OSBPL10: variants seen among roughly 807,000 people sequenced by gnomAD.
The protein encoded by OSBPL10 is oxysterol binding protein like 10.
Under a neutral mutation model 81.7 loss-of-function variants are expected in OSBPL10, and 49 were observed. The ratio of observed to expected loss-of-function variants is 0.60; its 90% confidence interval spans 0.48 to 0.76. The LOEUF (loss-of-function observed/expected upper bound fraction) is 0.76, where lower values mean the gene tolerates loss of function less well. OSBPL10 is among the 30% of genes least tolerant of loss of function. The pLI is 0.00. For missense variants in OSBPL10, 923 were observed against 987.8 expected, an observed-to-expected ratio of 0.93 and a Z score of 0.88; for synonymous variants, 419 against 383.6, an observed-to-expected ratio of 1.09 and a Z score of -1.08.
intron 4 of OSBPL10, among the ~76,000 whole-genome samples, chr3:31,784,676 G>A (rs906731625): frequency 3.3e-5 from 5 of 149,880 alleles, no homozygotes; most frequent in Non-Finnish European, 5.9e-5. Context: ...TCCACCTCCC[G>A]GGTTCAAATG....
chr3:31,927,132 A>C (rs1451112729), intron 1 of OSBPL10, among the ~76,000 whole-genome samples: 2 of 152,086 alleles, frequency 1.3e-5, no homozygotes, highest in Non-Finnish European at 2.9e-5. Context: ...CAACAACAAA[A>C]AGTCAAAGGT....
chr3:31,675,020 T>C (rs1354754520), intron 8 of OSBPL10, among the ~76,000 whole-genome samples: 1 of 152,226 alleles, frequency 6.6e-6, no homozygotes, highest in Non-Finnish European at 1.5e-5. Flanking sequence ...GATGGTCTTA[T>C]TGGGACATAA....
At chr3:31,761,916 GT>G (rs2125724034) in intron 4 of OSBPL10, among the ~76,000 whole-genome samples, 1 of 152,098 alleles carries the variant, frequency 6.6e-6, no homozygotes, top group East Asian at 1.9e-4. Context: ...GCACATGGGG[GT>G]GTGATGGTAC....
intron 1 of OSBPL10, among the ~76,000 whole-genome samples, chr3:31,888,621 A>G (rs1695806161): frequency 6.6e-6 from 1 of 152,190 alleles, no homozygotes; most frequent in Admixed American, 6.5e-5. Context: ...CAACAGCGAA[A>G]AAAAACCACA....
At chr3:31,702,316 A>G (rs201235496) in intron 7 of OSBPL10, 43 bp downstream of exon 7, 10 of 1,603,074 alleles carry the variant, frequency 6.2e-6, no homozygotes, top group Admixed American at 1.7e-5. Context: ...TAGAGACAGA[A>G]CCCCAACAAC....
intron 1 of OSBPL10, among the ~76,000 whole-genome samples, chr3:32,067,501 T>A (rs1024624130): frequency 2.0e-5 from 3 of 152,126 alleles, no homozygotes; most frequent in African/African-American, 7.2e-5. Flanking sequence ...AGCCATCATA[T>A]CCCCTGTGAC....
chr3:31,956,225 A>G (rs1004295740), intron 1 of OSBPL10, among the ~76,000 whole-genome samples: 7 of 152,208 alleles, frequency 4.6e-5, no homozygotes, highest in African/African-American at 1.7e-4. Context: ...AATGCCTGCT[A>G]GAGAGTAAAA....
At chr3:31,972,791 A>G (rs890747959) in intron 1 of OSBPL10, among the ~76,000 whole-genome samples, 5 of 152,214 alleles carry the variant, frequency 3.3e-5, no homozygotes, top group Admixed American at 2.0e-4. Context: ...TTTCATCAAT[A>G]TATTTATAGA....
intron 3 of OSBPL10, among the ~76,000 whole-genome samples, chr3:31,864,799 C>T (rs1026614171): frequency 1.9e-4 from 29 of 152,080 alleles, no homozygotes; most frequent in Admixed American, 9.8e-4. Context: ...GTGCCACTAA[C>T]GATTGTTCGA....
intron 8 of OSBPL10, among the ~76,000 whole-genome samples, chr3:31,681,015 AAGAT>A (rs1700627143): frequency 6.6e-6 from 1 of 152,216 alleles, no homozygotes; most frequent in Admixed American, 6.5e-5. Flanking sequence ...GGTTTATCTA[AAGAT>A]AGATGTATTT....
intron 4 of OSBPL10, among the ~76,000 whole-genome samples, chr3:31,787,026 C>T (rs1043374241): frequency 2.0e-5 from 3 of 152,136 alleles, no homozygotes; most frequent in African/African-American, 7.2e-5. Context: ...CCAGGTTGTT[C>T]TGGAATTAAA....
intron 3 of OSBPL10, among the ~76,000 whole-genome samples, chr3:31,859,031 T>A (rs2125592766): frequency 6.6e-6 from 1 of 152,278 alleles, no homozygotes; most frequent in South Asian, 2.1e-4. Flanking sequence ...CCCTGTAGGG[T>A]TGATGCCATT....
chr3:31,786,911 C>T (rs1391612471), intron 4 of OSBPL10, among the ~76,000 whole-genome samples: 1 of 152,132 alleles, frequency 6.6e-6, no homozygotes, highest in East Asian at 1.9e-4. Context: ...CTGGCAGACA[C>T]AGATCTGAAC....
intron 6 of OSBPL10, among the ~76,000 whole-genome samples, chr3:31,722,486 A>C (rs1370306216): frequency 6.6e-6 from 1 of 152,136 alleles, no homozygotes; most frequent in Non-Finnish European, 1.5e-5. Flanking sequence ...TTCTAAATAA[A>C]GGTTTTAGCA....
intron 1 of OSBPL10, chr3:32,064,046 G>A (rs1559557164): frequency 1.1e-5 from 1 of 92,928 alleles, no homozygotes; most frequent in Non-Finnish European, 2.9e-5. Context: ...TTACTGCAGT[G>A]TCGACCTCCT....
chr3:31,792,987 C>T (rs1276267287), intron 4 of OSBPL10, among the ~76,000 whole-genome samples: 1 of 151,536 alleles, frequency 6.6e-6, no homozygotes, highest in Non-Finnish European at 1.5e-5. Context: ...GGATGCACAT[C>T]ATTTGGATAT....
chr3:31,871,362 G>T (rs1198191833), intron 3 of OSBPL10, among the ~76,000 whole-genome samples: 1 of 151,974 alleles, frequency 6.6e-6, no homozygotes. Context: ...CTGAGCCAGC[G>T]AGACTATGAA....
rs534589238 is a variant in OSBPL10, at chr3:32,042,635, C to A, written n.298+3856G>T. Among the ~76,000 whole-genome samples the A allele has an allele frequency of 3.9e-5, 6 of 152,072 alleles. No homozygotes were observed. In the East Asian group the frequency reaches 1.2e-3, roughly 29 times the overall value. ...GGCCGAGAAATAAAGAGAAAGTGTA[C>A]AAAGAGAGGAATTTTACAGCTGGGT... is the stretch of plus-strand genomic sequence containing the variant. On this transcript the variant is annotated intron_variant and non_coding_transcript_variant, in intron 2 of 3. Transcript: ENST00000479173.
intron 2 of OSBPL10, among the ~76,000 whole-genome samples, chr3:31,876,893 T>C (rs933501526): frequency 2.7e-5 from 4 of 149,538 alleles, no homozygotes; most frequent in Non-Finnish European, 5.9e-5. Flanking sequence ...AATATGAGTA[T>C]CAAATGGCAC....
Sources: gnomAD v4.1 joint callset for allele counts (sites outside exome capture counted in the v4.1 genomes callset) on GRCh38, gnomAD v4.1.1 for gene constraint, MANE v1.5 for transcripts, NCBI Gene and HGNC (gene_info 2026-07-23, HGNC 2026-07-21) for gene names.